PAPPA2: variants seen among roughly 807,000 people sequenced by gnomAD.
PAPPA2 encodes pappalysin-2.
A neutral mutation model predicts 176.4 loss-of-function variants in PAPPA2; 86 were observed. The observed-to-expected ratio is 0.49, with a 90% CI of 0.41 to 0.58. PAPPA2 has a LOEUF of 0.58. Ranked by LOEUF, PAPPA2 falls within the 20% of genes least tolerant of loss-of-function variation. The pLI is 0.00. For synonymous variants in PAPPA2, 809 were observed against 852.2 expected (o/e 0.95, Z 0.88); for missense variants, 2,073 against 2,256.9 (o/e 0.92, Z 1.65).
rs1203037875 is a variant in PAPPA2 at position 176,740,133 on chromosome 1, T to C, written c.4088T>C (p.Ile1363Thr). ...GTGGCTCTAAGGACATCCTCCCGCA[T>C]TGGTCTTTCGGCTCCCAGTAACTGC... ...SAVALRTSSR[I>T]GLSAPSNCIS... The change falls in exon 14 of 23, where the codon ATT becomes ACT. Residue 1363 changes from isoleucine (I) to threonine (T), a missense_variant. Physicochemically the swap from Ile to Thr is moderately conservative, Grantham distance 89 (BLOSUM62 -1). This residue lies in a region of PAPPA2 where 846 missense variants were observed against 857.9 expected (regional missense o/e 0.99). Coordinates refer to ENST00000367662, the MANE Select transcript of PAPPA2 (RefSeq NM_020318.3). 2.5e-6 allele frequency: 4 copies of C among 1,613,658 alleles called. No homozygotes were observed. In the East Asian group the frequency reaches 6.7e-5, roughly 27 times the overall value.
intron 3 of PAPPA2, among the ~76,000 whole-genome samples, chr1:176,623,614 C>CTTACTTTCTTT: frequency 1.1e-5 from 1 of 88,314 alleles, no homozygotes; most frequent in Middle Eastern, 6.3e-3. Flanking sequence ...TTCCTTCCTT[C>CTTACTTTCTTT]CTTCCTTCCT....
chr1:176,781,138 T>C (rs933722875), intron 17 of PAPPA2, among the ~76,000 whole-genome samples: 10 of 151,910 alleles, frequency 6.6e-5, no homozygotes, highest in Non-Finnish European at 1.3e-4. Flanking sequence ...ACATCAGCAA[T>C]GGAAAATGGA....
chr1:176,663,057 G>A (rs978795663), intron 3 of PAPPA2, among the ~76,000 whole-genome samples: 2 of 152,054 alleles, frequency 1.3e-5, no homozygotes, highest in Non-Finnish European at 2.9e-5. Context: ...CAGCCTTCAC[G>A]CAGGGATCAT....
At chr1:176,755,466 T>C (rs998089335) in intron 14 of PAPPA2, among the ~76,000 whole-genome samples, 19 of 152,232 alleles carry the variant, frequency 1.2e-4, no homozygotes, top group Non-Finnish European at 2.6e-4. Flanking sequence ...CACGGGGCTG[T>C]ATTGTTCTCA....
intron 1 of PAPPA2, among the ~76,000 whole-genome samples, chr1:176,548,324 G>C (rs776397887): frequency 6.6e-6 from 1 of 152,134 alleles, no homozygotes; most frequent in African/African-American, 2.4e-5. Context: ...AGCAAGGGTA[G>C]TGGGAACAAG....
intron 3 of PAPPA2, among the ~76,000 whole-genome samples, chr1:176,638,446 C>G (rs1022438846): frequency 1.3e-5 from 2 of 151,974 alleles, no homozygotes; most frequent in Non-Finnish European, 2.9e-5. Flanking sequence ...CTCTCTGGAA[C>G]AGTTTAGCCA....
intron 8 of PAPPA2, among the ~76,000 whole-genome samples, chr1:176,700,166 T>C (rs1209821680): frequency 6.6e-6 from 1 of 152,214 alleles, no homozygotes; most frequent in Non-Finnish European, 1.5e-5. Context: ...TGTCTTTTCT[T>C]CCTACATTTA....
At chr1:176,468,586 G>T (rs1042059712) in intron 1 of PAPPA2, among the ~76,000 whole-genome samples, 3 of 152,154 alleles carry the variant, frequency 2.0e-5, no homozygotes, top group Admixed American at 2.0e-4. Context: ...GAATCAGGGG[G>T]TTCAGAGGCA....
At chr1:176,529,889 G>A (rs548404939) in intron 1 of PAPPA2, among the ~76,000 whole-genome samples, 36 of 151,936 alleles carry the variant, frequency 2.4e-4, no homozygotes, top group Admixed American at 1.8e-3. Flanking sequence ...TTTGCCATCT[G>A]TGCCATATTT....
At chr1:176,656,935 T>C (rs764609687) in intron 3 of PAPPA2, among the ~76,000 whole-genome samples, 11 of 151,866 alleles carry the variant, frequency 7.2e-5, no homozygotes, top group Admixed American at 5.3e-4. Flanking sequence ...ACTTTGACTT[T>C]AGAGGTGAGG....
chr1:176,634,217 G>C (rs1332891755), intron 3 of PAPPA2, among the ~76,000 whole-genome samples: 1 of 152,160 alleles, frequency 6.6e-6, no homozygotes, highest in Non-Finnish European at 1.5e-5. Flanking sequence ...TGATAGACTG[G>C]ATTAAGAAAA....
intron 3 of PAPPA2, among the ~76,000 whole-genome samples, chr1:176,602,551 G>C (rs1654387772): frequency 6.6e-6 from 1 of 152,164 alleles, no homozygotes; most frequent in Non-Finnish European, 1.5e-5. Flanking sequence ...CCTTGCAGTG[G>C]CTGGTCTGTT....
At chr1:176,701,075 CACAT>C (rs1214192696) in intron 8 of PAPPA2, among the ~76,000 whole-genome samples, 2 of 151,882 alleles carry the variant, frequency 1.3e-5, no homozygotes, top group East Asian at 1.9e-4. Flanking sequence ...CACACACACA[CACAT>C]GTTTAAGGCC....
At chr1:176,634,312 C>T (rs1656532329) in intron 3 of PAPPA2, among the ~76,000 whole-genome samples, 2 of 151,392 alleles carry the variant, frequency 1.3e-5, no homozygotes, top group Non-Finnish European at 2.9e-5. Context: ...GAGCTGGAAA[C>T]CATCATTCTC....
rs544773446 is a variant in PAPPA2 at position 176,671,217 on chromosome 1, G to T, written c.2137+102G>T. 3.1e-5 allele frequency: 46 copies of T among 1,464,416 alleles called. 1 individual carries two copies. The South Asian group carries it at 5.7e-4, about 18-fold the overall frequency. The allele number at this position is 1,464,416 out of a possible 1,614,324, so 90.7% of individuals were successfully genotyped here. A position where few individuals can be genotyped will look rare whatever the true frequency, so the allele number is the denominator to read the frequency against. On this transcript the variant is annotated intron_variant, in intron 4 of 22. Transcript: ENST00000367662. ...GAAAAAAGAAAGACAGAGAAAAAGT[G>T]AATTTACACAGTGAATTAACTGCTT... is the stretch of plus-strand genomic sequence containing the variant.
At chr1:176,636,660 A>C (rs1656717058) in intron 3 of PAPPA2, among the ~76,000 whole-genome samples, 1 of 152,280 alleles carries the variant, frequency 6.6e-6, no homozygotes, top group Non-Finnish European at 1.5e-5. Flanking sequence ...GATTTTTGAA[A>C]AAATTCTGGT....
chr1:176,552,415 C>T (rs1651020014), intron 1 of PAPPA2, among the ~76,000 whole-genome samples: 1 of 150,136 alleles, frequency 6.7e-6, no homozygotes, highest in Non-Finnish European at 1.5e-5. Context: ...TTACCCCTGC[C>T]TGTCCTTCTC....
At chr1:176,609,227 T>C (rs1281063306) in intron 3 of PAPPA2, among the ~76,000 whole-genome samples, 1 of 152,240 alleles carries the variant, frequency 6.6e-6, no homozygotes, top group Non-Finnish European at 1.5e-5. Context: ...ATTTAATTAT[T>C]TGCTCATTCA....
chr1:176,814,957 C>T (rs1189374069), intron 21 of PAPPA2, among the ~76,000 whole-genome samples: 5 of 152,216 alleles, frequency 3.3e-5, no homozygotes, highest in African/African-American at 7.2e-5. Context: ...AGGTATGTTC[C>T]TTCAATACCT....
Sources: allele counts gnomAD v4.1 joint callset (sites outside exome capture counted in the v4.1 genomes callset), GRCh38; gene constraint gnomAD v4.1.1; regional missense constraint gnomAD v4.1.1; transcripts MANE v1.5; gene names NCBI Gene and HGNC (gene_info 2026-07-23, HGNC 2026-07-21).